The following DCC variants were observed in gnomAD, a reference collection of about 807,000 sequenced individuals.
The protein encoded by DCC is DCC netrin 1 receptor.
A neutral mutation model predicts 172.5 loss-of-function variants in DCC; 58 were observed. That is an observed-to-expected ratio of 0.34 (90% CI 0.27 to 0.42). DCC has a LOEUF of 0.42. Among genes scored for constraint, DCC ranks in the 10% least tolerant of loss-of-function variants. The pLI is 1.00. For missense variants in DCC, 1,740 were observed against 1,791.0 expected, an observed-to-expected ratio of 0.97 and a Z score of 0.51; for synonymous variants, 709 against 644.5, an observed-to-expected ratio of 1.10 and a Z score of -1.52.
chr18:53,039,768 A>G (rs1481941703), intron 5 of DCC, among the ~76,000 whole-genome samples: 1 of 151,990 alleles, frequency 6.6e-6, no homozygotes, highest in Non-Finnish European at 1.5e-5. Context: ...AGGGATATAA[A>G]AACTGTCAAG....
chr18:52,804,830 C>G (rs534959653), intron 2 of DCC, among the ~76,000 whole-genome samples: 42 of 152,290 alleles, frequency 2.8e-4, no homozygotes, highest in African/African-American at 1.0e-3. Context: ...GATCCACCCA[C>G]CTTGGCCTCC....
At chr18:52,901,229 T>A (rs989603777) in intron 2 of DCC, among the ~76,000 whole-genome samples, 1 of 152,136 alleles carries the variant, frequency 6.6e-6, no homozygotes, top group African/African-American at 2.4e-5. Flanking sequence ...AGTCAGGAGT[T>A]TGAGACAAGC....
chr18:52,623,338 T>C (rs1164270328), intron 1 of DCC, among the ~76,000 whole-genome samples: 1 of 152,172 alleles, frequency 6.6e-6, no homozygotes, highest in Non-Finnish European at 1.5e-5. Flanking sequence ...GCACCATTCT[T>C]TCATCACAAT....
intron 21 of DCC, among the ~76,000 whole-genome samples, chr18:53,427,963 A>AAATATAT (rs1491091193): frequency 2.6e-5 from 1 of 38,294 alleles, no homozygotes; most frequent in South Asian, 6.6e-4. Flanking sequence ...TAATATAATA[A>AAATATAT]TATAATATAT....
At chr18:52,836,357 A>C (rs1028289755) in intron 2 of DCC, among the ~76,000 whole-genome samples, 2 of 152,196 alleles carry the variant, frequency 1.3e-5, no homozygotes, top group African/African-American at 4.8e-5. Context: ...TTTTAACATT[A>C]ACTCAAAAGT....
intron 2 of DCC, among the ~76,000 whole-genome samples, chr18:52,816,444 T>C (rs1408875030): frequency 2.0e-5 from 3 of 152,190 alleles, no homozygotes; most frequent in Non-Finnish European, 4.4e-5. Flanking sequence ...CTTTTCAAGG[T>C]GGCGGAGCAC....
intron 1 of DCC, among the ~76,000 whole-genome samples, chr18:52,575,991 T>C (rs923627788): frequency 6.6e-6 from 1 of 152,172 alleles, no homozygotes; most frequent in Non-Finnish European, 1.5e-5. Flanking sequence ...GGAAGATCTC[T>C]CTCCAGACTT....
chr18:52,349,428 C>T (rs1367867), intron 1 of DCC, among the ~76,000 whole-genome samples: 49,402 of 151,994 alleles, frequency 0.33, 8,594 homozygotes, highest in East Asian at 0.51. Flanking sequence ...CAGAAGAATA[C>T]AAATTAGAGA....
At chr18:52,704,161 C>T (rs1467585072) in intron 1 of DCC, among the ~76,000 whole-genome samples, 1 of 149,164 alleles carries the variant, frequency 6.7e-6, no homozygotes, top group Non-Finnish European at 1.5e-5. Flanking sequence ...TAATCTCTGT[C>T]AACATACACA....
intron 19 of DCC, among the ~76,000 whole-genome samples, chr18:53,407,998 C>T (rs1018173540): frequency 6.6e-5 from 10 of 152,106 alleles, no homozygotes; most frequent in African/African-American, 2.2e-4. Flanking sequence ...TTGTGGAATT[C>T]TTTATGTTGG....
chr18:52,695,698 G>T (rs1479872699), intron 1 of DCC, among the ~76,000 whole-genome samples: 1 of 152,192 alleles, frequency 6.6e-6, no homozygotes, highest in Non-Finnish European at 1.5e-5. Flanking sequence ...TAACTGGGGA[G>T]TATTTTGAAC....
intron 1 of DCC, among the ~76,000 whole-genome samples, chr18:52,409,957 C>G (rs1986788391): frequency 6.6e-6 from 1 of 152,116 alleles, no homozygotes; most frequent in Non-Finnish European, 1.5e-5. Context: ...TGGTGGTTCT[C>G]TCAGTGTCAA....
intron 2 of DCC, among the ~76,000 whole-genome samples, chr18:52,795,536 A>T (rs1456045886): frequency 6.6e-6 from 1 of 151,804 alleles, no homozygotes; most frequent in Non-Finnish European, 1.5e-5. Flanking sequence ...TAAAAATTTT[A>T]CCTTCTCAGA....
At chr18:53,201,298 C>T (rs1437508512) in intron 9 of DCC, among the ~76,000 whole-genome samples, 1 of 152,142 alleles carries the variant, frequency 6.6e-6, no homozygotes, top group Admixed American at 6.6e-5. Flanking sequence ...ATGTTCACAA[C>T]AAAGAACACC....
chr18:52,475,920 T>C (rs1989080754), intron 1 of DCC, among the ~76,000 whole-genome samples: 1 of 152,230 alleles, frequency 6.6e-6, no homozygotes, highest in African/African-American at 2.4e-5. Context: ...TTCTTCACCT[T>C]ATATGCTTTG....
chr18:53,233,832 G>C (rs1016748704), intron 12 of DCC, among the ~76,000 whole-genome samples: 1 of 152,154 alleles, frequency 6.6e-6, no homozygotes. Context: ...GTATTGGCCA[G>C]GCCAGGTACA....
chr18:52,813,300 ATGT>A (rs2038233562), intron 2 of DCC, among the ~76,000 whole-genome samples: 2 of 139,642 alleles, frequency 1.4e-5, no homozygotes, highest in Non-Finnish European at 3.1e-5. Context: ...GAATTTGCAG[ATGT>A]TATAGGTGAA....
rs79319970 is a variant in DCC at position 52,810,442 on chromosome 18, T to C, written c.412+58068T>C. ...ACCAATCTGGCAGTTCCTGAGCTATTGTACCATGCCCAAGAACAATAAGGA... is the reference window on the plus strand; with the variant it reads ...ACCAATCTGGCAGTTCCTGAGCTATCGTACCATGCCCAAGAACAATAAGGA... On this transcript the variant is annotated intron_variant, in intron 2 of 28. Transcript: ENST00000442544. Among the ~76,000 whole-genome samples, 6 of 152,314 alleles carry C rather than the reference T, an allele frequency of 3.9e-5. No individual in the cohort carries two copies. The East Asian group carries it at 9.7e-4, about 25-fold the overall frequency.
intron 2 of DCC, among the ~76,000 whole-genome samples, chr18:52,825,810 A>G (rs1341303289): frequency 6.6e-6 from 1 of 152,224 alleles, no homozygotes; most frequent in Non-Finnish European, 1.5e-5. Context: ...TGTCTCAGAT[A>G]AAAGTTGCGC....
Sources: allele counts gnomAD v4.1 joint callset (sites outside exome capture counted in the v4.1 genomes callset), GRCh38; gene constraint gnomAD v4.1.1; transcripts MANE v1.5; gene names NCBI Gene and HGNC (gene_info 2026-07-23, HGNC 2026-07-21).